The following PPARGC1A variants were observed in gnomAD, a reference collection of about 807,000 sequenced individuals.
PPARGC1A encodes peroxisome proliferator-activated receptor gamma coactivator 1-alpha.
Under a neutral mutation model 88.7 loss-of-function variants are expected in PPARGC1A, and 25 were observed. The ratio of observed to expected loss-of-function variants is 0.28; its 90% CI spans 0.21 to 0.39. PPARGC1A has a LOEUF of 0.39. Among genes scored for constraint, PPARGC1A ranks in the 10% least tolerant of loss-of-function variants. The probability of loss-of-function intolerance (pLI) is 1.00; values close to 1 mark genes in which losing one functional copy is unlikely to be tolerated. For synonymous variants in PPARGC1A, 363 were observed against 355.6 expected (o/e 1.02, Z -0.24); for missense variants, 880 against 968.7 (o/e 0.91, Z 1.22).
intron 7 of PPARGC1A, among the ~76,000 whole-genome samples, chr4:23,815,480 A>C (rs532672066): frequency 6.6e-6 from 1 of 152,306 alleles, no homozygotes; most frequent in African/African-American, 2.4e-5. Flanking sequence ...AACTCAGCCA[A>C]GCTTCAGCAG....
the PPARGC1A span, among the ~76,000 whole-genome samples, chr4:24,369,302 T>C: frequency 3.3e-5 from 5 of 152,150 alleles, no homozygotes; most frequent in Admixed American, 6.5e-5. Flanking sequence ...TCCCACCTCA[T>C]GTTCAAGTCT....
the PPARGC1A span, among the ~76,000 whole-genome samples, chr4:24,045,320 A>G: frequency 2.6e-4 from 40 of 152,334 alleles, no homozygotes; most frequent in African/African-American, 9.4e-4. Flanking sequence ...ACACCACCCT[A>G]TCTCTGCCAG....
chr4:24,177,203 A>G, the PPARGC1A span, among the ~76,000 whole-genome samples: 1 of 152,354 alleles, frequency 6.6e-6, no homozygotes, highest in Non-Finnish European at 1.5e-5. Context: ...AATAGTAAAG[A>G]CTTGGAACCA....
At chr4:24,213,707 ATG>A in the PPARGC1A span, among the ~76,000 whole-genome samples, 1 of 152,166 alleles carries the variant, frequency 6.6e-6, no homozygotes, top group South Asian at 2.1e-4. Flanking sequence ...ATGTCCAGGC[ATG>A]TGTGTGTGCA....
At chr4:24,283,866 T>C in the PPARGC1A span, among the ~76,000 whole-genome samples, 1 of 152,196 alleles carries the variant, frequency 6.6e-6, no homozygotes, top group Admixed American at 6.5e-5. Context: ...TCAATATGTA[T>C]AAAGTATTTG....
chr4:24,295,274 T>C, the PPARGC1A span, among the ~76,000 whole-genome samples: 627 of 152,336 alleles, frequency 4.1e-3, 8 homozygotes, highest in African/African-American at 0.015. Flanking sequence ...GAGATGTTTA[T>C]TGAAGCCAAA....
intron 2 of PPARGC1A, chr4:23,877,804 A>G (rs1715106631): frequency 6.6e-6 from 1 of 152,242 alleles, no homozygotes; most frequent in African/African-American, 2.4e-5. Context: ...TCAGCTTTTT[A>G]TCTGCTTTGT....
the PPARGC1A span, among the ~76,000 whole-genome samples, chr4:24,016,907 T>C: frequency 6.6e-6 from 1 of 152,176 alleles, no homozygotes; most frequent in Non-Finnish European, 1.5e-5. Context: ...GGTCGAGTCA[T>C]AGGAACTGGG....
At chr4:23,865,913 A>G (rs549650405) in intron 2 of PPARGC1A, among the ~76,000 whole-genome samples, 2 of 152,268 alleles carry the variant, frequency 1.3e-5, no homozygotes, top group Admixed American at 1.3e-4. Context: ...CTACACATGC[A>G]GTTATATGGC....
chr4:24,140,433 T>C, the PPARGC1A span, among the ~76,000 whole-genome samples: 1 of 152,154 alleles, frequency 6.6e-6, no homozygotes. Flanking sequence ...ATCTGTGATT[T>C]TGTGACCGGG....
chr4:23,857,485 G>A (rs1197949927), intron 2 of PPARGC1A, among the ~76,000 whole-genome samples: 2 of 151,408 alleles, frequency 1.3e-5, no homozygotes, highest in Admixed American at 1.3e-4. Flanking sequence ...ATAAGCACTA[G>A]TTTCAATTCA....
At chr4:23,885,286 A>G (rs1716678757) in intron 1 of PPARGC1A, among the ~76,000 whole-genome samples, 1 of 152,156 alleles carries the variant, frequency 6.6e-6, no homozygotes. Flanking sequence ...AAAGTTTTAA[A>G]CTGTCTTATA....
chr4:24,455,540 AATGAGT>A, the PPARGC1A span, among the ~76,000 whole-genome samples: 1 of 152,254 alleles, frequency 6.6e-6, no homozygotes, highest in African/African-American at 2.4e-5. Context: ...AATTGGAAAC[AATGAGT>A]ATAACTACTA....
At chr4:24,066,681 A>T in the PPARGC1A span, among the ~76,000 whole-genome samples, 2 of 152,154 alleles carry the variant, frequency 1.3e-5, no homozygotes, top group African/African-American at 4.8e-5. Flanking sequence ...GAACCCATAC[A>T]CTGTGATAGA....
At chr4:24,265,888 A>T in the PPARGC1A span, among the ~76,000 whole-genome samples, 2 of 148,432 alleles carry the variant, frequency 1.3e-5, no homozygotes, top group Non-Finnish European at 3.0e-5. Context: ...GGGAGGGAGG[A>T]AAAGGGGAAA....
chr4:24,174,511 A>G, the PPARGC1A span, among the ~76,000 whole-genome samples: 10 of 152,142 alleles, frequency 6.6e-5, no homozygotes, highest in African/African-American at 2.4e-4. Flanking sequence ...CTTAATAAGC[A>G]CTCACTGCGG....
chr4:24,296,378 T>C, the PPARGC1A span, among the ~76,000 whole-genome samples: 788 of 152,242 alleles, frequency 5.2e-3, 6 homozygotes, highest in African/African-American at 0.018. Flanking sequence ...TTCTCACAAA[T>C]GTACTTTGAA....
chr4:24,358,526 T>C, the PPARGC1A span, among the ~76,000 whole-genome samples: 20 of 152,224 alleles, frequency 1.3e-4, no homozygotes, highest in African/African-American at 4.3e-4. Context: ...TGATGCTACA[T>C]TGAAATGTCC....
At chr4:24,294,059 C>T in the PPARGC1A span, among the ~76,000 whole-genome samples, 3 of 152,146 alleles carry the variant, frequency 2.0e-5, no homozygotes, top group African/African-American at 7.2e-5. Context: ...AGCTCAATAA[C>T]TTGTCCCCAA....
Sources: gnomAD v4.1 joint callset for allele counts (sites outside exome capture counted in the v4.1 genomes callset) on GRCh38, gnomAD v4.1.1 for gene constraint, MANE v1.5 for transcripts, NCBI Gene and HGNC (gene_info 2026-07-23, HGNC 2026-07-21) for gene names.